Variants in PTPRQ observed in about 807,000 individuals in gnomAD.
PTPRQ encodes protein tyrosine phosphatase receptor type Q.
A neutral mutation model predicts 246.0 loss-of-function variants in PTPRQ; 199 were observed. The ratio of observed to expected loss-of-function variants is 0.81; its 90% CI spans 0.72 to 0.91. PTPRQ has a LOEUF of 0.91. Among genes scored for constraint, PTPRQ ranks in the 40% least tolerant of loss-of-function variants. The probability of loss-of-function intolerance (pLI) is 0.00; values close to 1 mark genes in which losing one functional copy is unlikely to be tolerated. For missense variants in PTPRQ, 2,624 were observed against 2,528.4 expected, an observed-to-expected ratio of 1.04 and a Z score of -0.81; for synonymous variants, 869 against 853.2, an observed-to-expected ratio of 1.02 and a Z score of -0.32.
chr12:80,476,794 C>G (rs970006094), intron 8 of PTPRQ, among the ~76,000 whole-genome samples: 1 of 152,146 alleles, frequency 6.6e-6, no homozygotes, highest in Admixed American at 6.5e-5. Flanking sequence ...TAACAACAAT[C>G]TGATAATAAG....
At chr12:80,497,197 A>G (rs1423760508) in intron 14 of PTPRQ, among the ~76,000 whole-genome samples, 3 of 151,942 alleles carry the variant, frequency 2.0e-5, no homozygotes, top group African/African-American at 7.3e-5. Flanking sequence ...TGAAATAATT[A>G]TACAACTCAC....
In PTPRQ at chr12:80,679,071, G is replaced by A; in HGVS notation, c.*48G>A. 2.0e-6 allele frequency: 3 copies of A among 1,528,802 alleles called. No homozygotes were observed. The highest frequency in any genetic ancestry group is 2.6e-6 in the Non-Finnish European group (3 of 1,137,922). 94.7% of individuals were successfully genotyped at this position (1,528,802 alleles called of 1,614,324 possible). A position where few individuals can be genotyped will look rare whatever the true frequency, so the allele number is the denominator to read the frequency against. On this transcript the variant is annotated 3_prime_UTR_variant, in exon 45 of 45. Coordinates refer to ENST00000644991, the MANE Select transcript of PTPRQ (RefSeq NM_001145026.2). ...TTGGAAGAGATTTTTAAATCCCAGG[G>A]GCCAAAGTTACCCCCTCATTCTTCC...
intron 14 of PTPRQ, among the ~76,000 whole-genome samples, chr12:80,500,494 A>G (rs559520566): frequency 2.6e-5 from 4 of 151,548 alleles, no homozygotes; most frequent in Non-Finnish European, 4.4e-5. Context: ...TACTGGTGGT[A>G]GGCAGACAAC....
intron 6 of PTPRQ, among the ~76,000 whole-genome samples, chr12:80,466,823 G>T (rs941783889): frequency 2.6e-5 from 4 of 152,112 alleles, no homozygotes; most frequent in Non-Finnish European, 5.9e-5. Context: ...GCTGAAACTG[G>T]ATCCCTTCCT....
At chr12:80,448,176 T>A (rs1892612407) in intron 3 of PTPRQ, among the ~76,000 whole-genome samples, 1 of 152,150 alleles carries the variant, frequency 6.6e-6, no homozygotes, top group African/African-American at 2.4e-5. Context: ...AATTCTTGAT[T>A]TCATTCTCAG....
intron 6 of PTPRQ, chr12:80,461,994 G>C: frequency 1.4e-6 from 1 of 691,038 alleles, no homozygotes. Context: ...TCTCACTAGG[G>C]AGTGCCAGAC....
intron 26 of PTPRQ, among the ~76,000 whole-genome samples, chr12:80,595,618 GGTTA>G (rs1402866564): frequency 3.3e-5 from 5 of 151,706 alleles, no homozygotes; most frequent in African/African-American, 1.2e-4. Context: ...ACAATGTGCA[GGTTA>G]GTTACATATG....
intron 25 of PTPRQ, among the ~76,000 whole-genome samples, chr12:80,581,716 T>C (rs543918024): frequency 2.6e-5 from 4 of 151,824 alleles, no homozygotes; most frequent in Admixed American, 6.6e-5. Flanking sequence ...TTGGAAAATA[T>C]ATCTTCATCA....
intron 8 of PTPRQ, among the ~76,000 whole-genome samples, chr12:80,477,797 G>C (rs543982299): frequency 3.9e-5 from 6 of 152,134 alleles, no homozygotes; most frequent in East Asian, 3.9e-4. Flanking sequence ...GGGTCACTCC[G>C]ACCCGAATAC....
Position 80,678,631 on chromosome 12 carries a change from T to C in PTPRQ, c.6768T>C (p.Ile2256=), listed in dbSNP as rs1315204618. 5 of 1,550,296 alleles carry C rather than the reference T, an allele frequency of 3.2e-6. No individual in the cohort carries two copies. The African/African-American group carries it at 6.8e-5, about 21-fold the overall frequency. ...AGTATATCTTTTTACACCAGTGCATTCTGGATCTCTTATCAAATAAGGGAA... is the reference window on the plus strand; with the variant it reads ...AGTATATCTTTTTACACCAGTGCATCCTGGATCTCTTATCAAATAAGGGAA... ...LAQYIFLHQC[I]LDLLSNKGSN... The change falls in exon 44 of 45, where the codon ATT becomes ATC. Residue 2256 remains isoleucine, a synonymous_variant. Coordinates refer to ENST00000644991, the MANE Select transcript of PTPRQ (RefSeq NM_001145026.2).
chr12:80,657,277 C>A (rs1900474651), intron 38 of PTPRQ, among the ~76,000 whole-genome samples: 1 of 151,404 alleles, frequency 6.6e-6, no homozygotes, highest in Non-Finnish European at 1.5e-5. Context: ...TTAAGGAAAT[C>A]AAAATAAATA....
chr12:80,505,459 C>A (rs1031739568), intron 14 of PTPRQ, among the ~76,000 whole-genome samples: 1 of 151,912 alleles, frequency 6.6e-6, no homozygotes, highest in South Asian at 2.1e-4. Context: ...CTCAAATATA[C>A]ATAGAAAACC....
intron 3 of PTPRQ, among the ~76,000 whole-genome samples, chr12:80,450,549 C>T (rs906597658): frequency 3.9e-5 from 6 of 151,900 alleles, no homozygotes; most frequent in African/African-American, 1.5e-4. Context: ...TGAGATACGT[C>T]CCATCAATAC....
intron 19 of PTPRQ, among the ~76,000 whole-genome samples, chr12:80,537,409 A>G (rs1896020379): frequency 6.6e-6 from 1 of 152,112 alleles, no homozygotes; most frequent in African/African-American, 2.4e-5. Flanking sequence ...CCTATTACCG[A>G]TAACTGTTGC....
chr12:80,632,104 T>C, intron 33 of PTPRQ, 88 bp from the exon 34 acceptor site: 4 of 1,461,732 alleles, frequency 2.7e-6, no homozygotes, highest in Non-Finnish European at 3.7e-6. Flanking sequence ...AATATTTTCT[T>C]ATGCCAAGAT....
At chr12:80,483,435 G>A (rs1894149349) in intron 8 of PTPRQ, among the ~76,000 whole-genome samples, 1 of 147,422 alleles carries the variant, frequency 6.8e-6, no homozygotes, top group South Asian at 2.2e-4. Flanking sequence ...TAGATGACGA[G>A]TTAGTGGGTG....
rs942176248 is a variant in PTPRQ, at chr12:80,499,023, G to A, written c.2272+2492G>A. Among the ~76,000 whole-genome samples the A allele has an allele frequency of 3.9e-5, 6 of 152,100 alleles. No individual in the cohort carries two copies. In the Middle Eastern group the frequency reaches 0.01, roughly 259 times the overall value. ...AATGAGAATTTTAATTTTGGAAAGT[G>A]TCTTAGAAAACATGCAGAGCCCTTT... On this transcript the variant is annotated intron_variant, in intron 14 of 44. Transcript: ENST00000644991.
chr12:80,611,903 A>G (rs1345440062), intron 28 of PTPRQ, among the ~76,000 whole-genome samples: 1 of 150,348 alleles, frequency 6.7e-6, no homozygotes, highest in Non-Finnish European at 1.5e-5. Context: ...TTAGCTTTGC[A>G]TTTTTCCATT....
At chr12:80,630,298 G>C (rs1193895878) in intron 33 of PTPRQ, among the ~76,000 whole-genome samples, 2 of 152,036 alleles carry the variant, frequency 1.3e-5, no homozygotes, top group Non-Finnish European at 2.9e-5. Flanking sequence ...CACGTAGGAA[G>C]TCCCATATTT....
Sources: gnomAD v4.1 joint callset for allele counts (sites outside exome capture counted in the v4.1 genomes callset) on GRCh38, gnomAD v4.1.1 for gene constraint, MANE v1.5 for transcripts, NCBI Gene and HGNC (gene_info 2026-07-23, HGNC 2026-07-21) for gene names.